Variants in NEGR1 observed in about 807,000 individuals in gnomAD.
The protein encoded by NEGR1 is neuronal growth regulator 1.
NEGR1 carries 10 observed loss-of-function variants against 40.9 expected under a neutral mutation model. The observed-to-expected ratio is 0.24, with a 90% CI of 0.15 to 0.42. The LOEUF is 0.42. NEGR1 is among the 10% of genes least tolerant of loss of function. The probability of loss-of-function intolerance (pLI) is 1.00; values close to 1 mark genes in which losing one functional copy is unlikely to be tolerated. For missense variants in NEGR1, 352 were observed against 438.9 expected, an observed-to-expected ratio of 0.80 and a Z score of 1.77; for synonymous variants, 185 against 166.8, an observed-to-expected ratio of 1.11 and a Z score of -0.84.
chr1:71,549,590 C>T (rs1307111531), intron 6 of NEGR1, among the ~76,000 whole-genome samples: 1 of 151,592 alleles, frequency 6.6e-6, no homozygotes, highest in Non-Finnish European at 1.5e-5. Flanking sequence ...AACTACGGCA[C>T]AGTGCAGTAA....
intron 1 of NEGR1, among the ~76,000 whole-genome samples, chr1:71,940,753 TA>T (rs1645951079): frequency 6.6e-6 from 1 of 152,170 alleles, no homozygotes; most frequent in Admixed American, 6.6e-5. Context: ...CTGTGGTGAT[TA>T]AATTGGAAAG....
chr1:71,615,196 A>G (rs1469413225), intron 4 of NEGR1, among the ~76,000 whole-genome samples: 1 of 152,218 alleles, frequency 6.6e-6, no homozygotes, highest in Non-Finnish European at 1.5e-5. Context: ...TCTTTTGGAA[A>G]TAACTTGTTC....
In NEGR1 at chr1:71,804,717, G is replaced by T. The variant is rs956705280; in HGVS notation, c.410-28420C>A. On this transcript the variant is annotated intron_variant, in intron 2 of 6. Transcript: ENST00000357731. The stretch of plus-strand genomic sequence containing the variant: ...TCCCATCATCTTTGTAAACTGAGGA[G>T]GATGTATGTTGCCTCAGGACCCTGT... 1.1e-4 allele frequency among the ~76,000 whole-genome samples: 17 copies of T among 152,284 alleles called. 1 individual carries two copies. In the South Asian group the frequency reaches 2.1e-3, roughly 19 times the overall value.
intron 6 of NEGR1, among the ~76,000 whole-genome samples, chr1:71,431,015 G>T (rs1646464128): frequency 6.6e-6 from 1 of 151,736 alleles, no homozygotes; most frequent in South Asian, 2.1e-4. Flanking sequence ...CCAAAGTGCT[G>T]GGATTACAGG....
At chr1:71,795,076 T>C (rs995053525) in intron 2 of NEGR1, among the ~76,000 whole-genome samples, 1 of 152,026 alleles carries the variant, frequency 6.6e-6, no homozygotes, top group African/African-American at 2.4e-5. Context: ...ACTTAAAAAA[T>C]TAGGTAATAC....
At chr1:71,963,572 G>C (rs1646185930) in intron 1 of NEGR1, among the ~76,000 whole-genome samples, 1 of 152,066 alleles carries the variant, frequency 6.6e-6, no homozygotes, top group Non-Finnish European at 1.5e-5. Flanking sequence ...AAAATGTCAT[G>C]TTAAGTAACA....
chr1:72,032,404 T>C (rs1410589424), intron 1 of NEGR1, among the ~76,000 whole-genome samples: 2 of 152,212 alleles, frequency 1.3e-5, no homozygotes, highest in African/African-American at 4.8e-5. Flanking sequence ...ACACTTGAGC[T>C]GTCCCTGCTT....
intron 1 of NEGR1, among the ~76,000 whole-genome samples, chr1:72,040,047 A>G (rs1457708781): frequency 6.6e-6 from 1 of 151,978 alleles, no homozygotes; most frequent in Non-Finnish European, 1.5e-5. Context: ...CAATATACTG[A>G]CATATACAAA....
At position 72,282,358 on chromosome 1, in the gene NEGR1, T is replaced by C. The variant is rs1313981698; in HGVS notation, c.137A>G (p.Asp46Gly). 1 of 1,613,948 alleles carries C rather than the reference T, an allele frequency of 6.2e-7. No individual in the cohort carries two copies. The highest frequency in any genetic ancestry group is 8.5e-7 in the Non-Finnish European group (1 of 1,180,024). Reference sequence around the variant, plus strand: ...GTCCCCTTTTCTGACCATCATGTTGTCCACGGCCGCCCAGGGGAAGTCCAC... The same window carrying C: ...GTCCCCTTTTCTGACCATCATGTTGCCCACGGCCGCCCAGGGGAAGTCCAC... Reference protein sequence around the residue: ...QSVDFPWAAVDNMMVRKGDTA... With the variant: ...QSVDFPWAAVGNMMVRKGDTA... Residue 46 changes from aspartate (D) to glycine (G), a missense_variant, in exon 1 of 7, where the codon GAC becomes GGC. Physicochemically the swap from Asp to Gly is moderately conservative, Grantham distance 94. Coordinates refer to ENST00000357731, the MANE Select transcript of NEGR1 (RefSeq NM_173808.3).
intron 6 of NEGR1, among the ~76,000 whole-genome samples, chr1:71,538,688 T>C (rs1167267946): frequency 6.6e-6 from 1 of 151,720 alleles, no homozygotes. Flanking sequence ...GCCAAGCCTC[T>C]TAGAGCACTG....
At chr1:71,784,327 G>A (rs1034777579) in intron 2 of NEGR1, among the ~76,000 whole-genome samples, 3 of 151,682 alleles carry the variant, frequency 2.0e-5, no homozygotes, top group Non-Finnish European at 4.4e-5. Flanking sequence ...TTTAAAATCT[G>A]CACTCTAAGT....
intron 3 of NEGR1, among the ~76,000 whole-genome samples, chr1:71,704,165 A>T (rs1159312513): frequency 6.6e-5 from 5 of 75,874 alleles, no homozygotes; most frequent in African/African-American, 1.8e-4. Context: ...TCTCTCTGTC[A>T]CACACACACA....
intron 2 of NEGR1, among the ~76,000 whole-genome samples, chr1:71,895,677 T>A (rs551853741): frequency 1.9e-4 from 29 of 152,346 alleles, no homozygotes; most frequent in African/African-American, 6.3e-4. Context: ...CTCTATCACA[T>A]TTGTTTAACC....
chr1:72,189,366 C>T (rs1354457649), intron 1 of NEGR1, among the ~76,000 whole-genome samples: 3 of 151,462 alleles, frequency 2.0e-5, no homozygotes, highest in African/African-American at 4.8e-5. Flanking sequence ...TAATCTTATA[C>T]TCTTTCCCAC....
chr1:72,062,390 A>C (rs1214621900), intron 1 of NEGR1, among the ~76,000 whole-genome samples: 1 of 151,946 alleles, frequency 6.6e-6, no homozygotes, highest in Non-Finnish European at 1.5e-5. Flanking sequence ...TACCACACAC[A>C]ATATTAGCAA....
chr1:72,137,495 A>C (rs549724206), intron 1 of NEGR1, among the ~76,000 whole-genome samples: 8 of 151,946 alleles, frequency 5.3e-5, no homozygotes, highest in African/African-American at 1.9e-4. Flanking sequence ...TAACACAAGA[A>C]GAGAAAACCA....
At chr1:71,607,166 T>C (rs964135579) in intron 5 of NEGR1, among the ~76,000 whole-genome samples, 1 of 152,188 alleles carries the variant, frequency 6.6e-6, no homozygotes, top group Non-Finnish European at 1.5e-5. Flanking sequence ...CAGCTTCATG[T>C]TCCCAGTTAA....
chr1:72,064,200 A>G (rs994509386), intron 1 of NEGR1, among the ~76,000 whole-genome samples: 1 of 152,018 alleles, frequency 6.6e-6, no homozygotes. Flanking sequence ...TGTAGAAAAA[A>G]GGAGCCTTTA....
chr1:72,064,139 T>C (rs1647221170), intron 1 of NEGR1, among the ~76,000 whole-genome samples: 3 of 152,022 alleles, frequency 2.0e-5, no homozygotes, highest in African/African-American at 7.2e-5. Context: ...AATGGGGCTT[T>C]TAAGTCGGAT....
Sources: gnomAD v4.1 joint callset for allele counts (sites outside exome capture counted in the v4.1 genomes callset) on GRCh38, gnomAD v4.1.1 for gene constraint, MANE v1.5 for transcripts, NCBI Gene and HGNC (gene_info 2026-07-23, HGNC 2026-07-21) for gene names.